The following CFAP69 variants were observed in gnomAD, a reference collection of about 807,000 sequenced individuals.
The protein encoded by CFAP69 is cilia and flagella associated protein 69, also known as cilia- and flagella-associated protein 69.
A neutral mutation model predicts 123.0 loss-of-function variants in CFAP69; 92 were observed. The observed-to-expected ratio is 0.75, with a 90% CI of 0.63 to 0.89. The LOEUF (loss-of-function observed/expected upper bound fraction) is 0.89, where lower values mean the gene tolerates loss of function less well. Ranked by LOEUF, CFAP69 falls within the 40% of genes least tolerant of loss-of-function variation. The probability of loss-of-function intolerance (pLI) is 0.00; values close to 1 mark genes in which losing one functional copy is unlikely to be tolerated. For synonymous variants in CFAP69, 380 were observed against 364.3 expected, an observed-to-expected ratio of 1.04 and a Z score of -0.49; for missense variants, 1,067 against 1,096.9, an observed-to-expected ratio of 0.97 and a Z score of 0.39.
chr7:90,293,463 T>C (rs775954485), intron 15 of CFAP69, among the ~76,000 whole-genome samples: 6 of 152,188 alleles, frequency 3.9e-5, no homozygotes, highest in Non-Finnish European at 8.8e-5. Flanking sequence ...CCCCTTTAAT[T>C]TTAGCCAATG....
chr7:90,303,777 T>G, intron 17 of CFAP69, 192 bp from the exon 18 acceptor site: 1 of 1,170,604 alleles, frequency 8.5e-7, no homozygotes, highest in Non-Finnish European at 1.1e-6. Flanking sequence ...GGCTCTAAGT[T>G]TTGCCACAGA....
intron 14 of CFAP69, 149 bp downstream of exon 14, chr7:90,286,548 C>T (rs1790310610): frequency 1.3e-6 from 1 of 747,172 alleles, no homozygotes; most frequent in Admixed American, 3.0e-5. Flanking sequence ...GTAAAAGGTA[C>T]AGAATATACA....
intron 1 of CFAP69, among the ~76,000 whole-genome samples, chr7:90,255,208 A>G (rs749868625): frequency 6.6e-6 from 1 of 152,248 alleles, no homozygotes; most frequent in Non-Finnish European, 1.5e-5. Context: ...AAACATTAAG[A>G]TTATACAAAA....
intron 13 of CFAP69, among the ~76,000 whole-genome samples, chr7:90,285,718 C>G (rs1790171153): frequency 6.6e-6 from 1 of 152,186 alleles, no homozygotes; most frequent in South Asian, 2.1e-4. Context: ...AAACCACAGT[C>G]AGGAAATTTG....
chr7:90,276,936 T>C (rs555439692), intron 9 of CFAP69, 137 bp from the exon 10 acceptor site: 437 of 602,090 alleles, frequency 7.3e-4, no homozygotes, highest in Non-Finnish European at 1.1e-3. Context: ...TCTTTATTAC[T>C]ATTCATGCTT....
At chr7:90,273,366 T>C (rs1484325436) in intron 8 of CFAP69, among the ~76,000 whole-genome samples, 1 of 152,146 alleles carries the variant, frequency 6.6e-6, no homozygotes, top group Non-Finnish European at 1.5e-5. Context: ...GACTTAATCC[T>C]AAGAACAAAG....
At chr7:90,304,289 T>C in intron 18 of CFAP69, 183 bp downstream of exon 18, 1 of 1,330,912 alleles carries the variant, frequency 7.5e-7, no homozygotes, top group Non-Finnish European at 9.6e-7. Context: ...TCTCTGTGTG[T>C]GGGATCCAGG....
At chr7:90,294,512 C>T (rs1791644876) in intron 15 of CFAP69, among the ~76,000 whole-genome samples, 1 of 152,092 alleles carries the variant, frequency 6.6e-6, no homozygotes, top group South Asian at 2.1e-4. Flanking sequence ...GGACTCCTTC[C>T]CTAAGCCAGG....
rs1044056391 is a variant in CFAP69, at chr7:90,306,789, G to C, written c.2266-112G>C. The C allele has an allele frequency of 7.2e-5, 50 of 690,878 alleles. No homozygotes were observed. The African/African-American group carries it at 7.5e-4, about 10-fold the overall frequency. 42.8% of individuals were successfully genotyped at this position (690,878 alleles called of 1,614,324 possible). On this transcript the variant is annotated intron_variant, in intron 19 of 22. Transcript: ENST00000389297. ...GCACTTATTCCCAGGAAGTAATTTA[G>C]GAAAAGTTTAAGTGTTAACAGGAGT...
intron 2 of CFAP69, among the ~76,000 whole-genome samples, chr7:90,256,724 TA>T (rs1230237950): frequency 6.6e-6 from 1 of 152,212 alleles, no homozygotes; most frequent in Non-Finnish European, 1.5e-5. Flanking sequence ...TGTGAAAAGT[TA>T]TTTTTTATTG....
intron 22 of CFAP69, among the ~76,000 whole-genome samples, chr7:90,309,843 T>C (rs1478143297): frequency 1.3e-5 from 2 of 152,186 alleles, no homozygotes; most frequent in African/African-American, 4.8e-5. Flanking sequence ...TATCCTCTGC[T>C]AGACTTAATT....
At chr7:90,314,636 T>C (rs942496584), downstream of CFAP69, among the ~76,000 whole-genome samples, 2 of 150,524 alleles carry the variant, frequency 1.3e-5, no homozygotes, top group Admixed American at 6.6e-5. Flanking sequence ...GAAAAAAAAA[T>C]GATGAGAGGT....
intron 15 of CFAP69, among the ~76,000 whole-genome samples, chr7:90,291,500 C>G (rs569601825): frequency 2.6e-5 from 4 of 152,234 alleles, no homozygotes; most frequent in Admixed American, 2.0e-4. Context: ...CTTAGAATGC[C>G]GTGACCATCT....
intron 14 of CFAP69, 82 bp downstream of exon 14, chr7:90,286,481 AT>A: frequency 7.2e-7 from 1 of 1,395,104 alleles, no homozygotes; most frequent in Non-Finnish European, 9.8e-7. Flanking sequence ...CTATAATTGT[AT>A]TTAATTTTGT....
chr7:90,312,999 T>G (rs1044219140), downstream of CFAP69, among the ~76,000 whole-genome samples: 7 of 152,202 alleles, frequency 4.6e-5, no homozygotes, highest in African/African-American at 1.7e-4. Flanking sequence ...TGACTTACAT[T>G]GAGTGAAAAA....
intron 8 of CFAP69, among the ~76,000 whole-genome samples, chr7:90,272,792 A>G (rs961987259): frequency 2.6e-5 from 4 of 151,922 alleles, no homozygotes; most frequent in South Asian, 2.1e-4. Context: ...TCAACCTCAA[A>G]TCAAGCAGAA....
chr7:90,271,176 C>T lies in CFAP69; in HGVS notation c.533-350C>T, dbSNP rs78699968. 8.9e-3 allele frequency among the ~76,000 whole-genome samples: 1,351 copies of T among 152,040 alleles called. 20 individuals are homozygous for T. The highest frequency in any genetic ancestry group is 0.03 in the African/African-American group (1,263 of 41,480). Reference sequence around the variant, plus strand: ...CATCGTCCTATTTTAAATACTACACCAGGGATCAGCAAACTCTGGGTCCCA... The same window carrying T: ...CATCGTCCTATTTTAAATACTACACTAGGGATCAGCAAACTCTGGGTCCCA... On this transcript the variant is annotated intron_variant, in intron 6 of 22. Transcript: ENST00000389297.
intron 4 of CFAP69, among the ~76,000 whole-genome samples, chr7:90,265,082 G>A (rs1234050853): frequency 1.3e-5 from 2 of 152,044 alleles, no homozygotes; most frequent in South Asian, 2.1e-4. Flanking sequence ...GTGAGCCACC[G>A]CACCCGGCCC....
chr7:90,255,483 G>A lies in CFAP69; in HGVS notation c.180+1G>A. 4 of 1,610,832 alleles carry A rather than the reference G, an allele frequency of 2.5e-6. No individual in the cohort carries two copies. Among genetic ancestry groups the A allele is most frequent in the Non-Finnish European group, 3.4e-6 (4 of 1,177,688 alleles). Reference sequence around the variant, plus strand: ...CAAACTCCTCGAAGAGACTGATAAAGTGAGTAAGCTTTGAGAGAAAATTAC... The same window carrying A: ...CAAACTCCTCGAAGAGACTGATAAAATGAGTAAGCTTTGAGAGAAAATTAC... On this transcript the variant is annotated splice_donor_variant, in intron 2 of 22. Transcript: ENST00000389297. LOFTEE classifies it high-confidence loss of function.
Sources: allele counts gnomAD v4.1 joint callset (sites outside exome capture counted in the v4.1 genomes callset), GRCh38; gene constraint gnomAD v4.1.1; transcripts MANE v1.5; gene names NCBI Gene and HGNC (gene_info 2026-07-23, HGNC 2026-07-21).